FAT1: variants seen among roughly 807,000 people sequenced by gnomAD.
FAT1 encodes the protein protocadherin Fat 1.
In FAT1, 171 loss-of-function variants were observed where a neutral mutation model predicts 329.8. The observed-to-expected ratio is 0.52, with a 90% CI of 0.46 to 0.59. The LOEUF (loss-of-function observed/expected upper bound fraction) is 0.59, where lower values mean the gene tolerates loss of function less well. FAT1 is among the 20% of genes least tolerant of loss of function. The probability of loss-of-function intolerance (pLI) is 0.00; values close to 1 mark genes in which losing one functional copy is unlikely to be tolerated. For synonymous variants in FAT1, 2,233 were observed against 2,228.6 expected, an observed-to-expected ratio of 1.00 and a Z score of -0.06; for missense variants, 5,672 against 5,774.4, an observed-to-expected ratio of 0.98 and a Z score of 0.57.
intron 1 of FAT1, among the ~76,000 whole-genome samples, chr4:186,718,886 A>T (rs567211540): frequency 6.6e-6 from 1 of 151,958 alleles, no homozygotes; most frequent in African/African-American, 2.4e-5. Context: ...CCGCATCACA[A>T]GCTAATGTCA....
At chr4:186,722,434 C>G (rs540784900) in intron 1 of FAT1, among the ~76,000 whole-genome samples, 2 of 152,296 alleles carry the variant, frequency 1.3e-5, no homozygotes, top group East Asian at 3.9e-4. Context: ...AGGCTTATAC[C>G]AATTGTTGTT....
At chr4:186,711,203 T>C (rs1744933872) in intron 1 of FAT1, among the ~76,000 whole-genome samples, 1 of 152,158 alleles carries the variant, frequency 6.6e-6, no homozygotes, top group Non-Finnish European at 1.5e-5. Flanking sequence ...CTCTGCCCCA[T>C]AAGTCATTGC....
rs1739924589 is a variant in FAT1 at position 186,619,626 on chromosome 4, G to T, written c.6960C>A (p.Tyr2320Ter). The change falls in exon 10 of 27, where the codon TAC becomes TAA. Residue 2320 changes from tyrosine to a stop codon, truncating the protein, a stop_gained. Coordinates refer to ENST00000441802, the MANE Select transcript of FAT1 (RefSeq NM_005245.4). LOFTEE classifies it high-confidence loss of function. ...TCTTGCTGTGATTCCCAAACATCTG[G>T]TATGAGATTCCTCTATTTGGTTCTG... Reference protein sequence around the residue: ...SDSEPNRGISYQMFGNHSKSH... With the variant: ...SDSEPNRGIS 6.2e-7 allele frequency: 1 copy of T among 1,613,812 alleles called. No homozygotes were observed. Among genetic ancestry groups the T allele is most frequent in the Admixed American group, 1.7e-5 (1 of 59,998 alleles).
intron 2 of FAT1, among the ~76,000 whole-genome samples, chr4:186,686,272 G>A (rs1014627206): frequency 7.0e-5 from 10 of 143,558 alleles, no homozygotes; most frequent in African/African-American, 2.6e-4. Context: ...AACATGTAGC[G>A]ATTTTTTTCC....
upstream of FAT1, among the ~76,000 whole-genome samples, chr4:186,724,472 C>A (rs967043513): frequency 2.0e-5 from 3 of 152,182 alleles, no homozygotes; most frequent in Middle Eastern, 3.2e-3. This position sits in a 1 kb window ranked among gnomAD's most constrained non-coding sequence, Gnocchi z 5.3. Context: ...CGCCTGGCCT[C>A]CCCCGCTGAC....
intron 3 of FAT1, among the ~76,000 whole-genome samples, chr4:186,658,591 A>G (rs1233569882): frequency 6.6e-6 from 1 of 152,196 alleles, no homozygotes; most frequent in African/African-American, 2.4e-5. Flanking sequence ...AATAACAAAT[A>G]TTCTCTTTAA....
Position 186,619,118 on chromosome 4 carries a change from G to A in FAT1, c.7468C>T (p.Pro2490Ser), listed in dbSNP as rs1560940248. The A allele has an allele frequency of 1.2e-6, 2 of 1,613,950 alleles. No individual in the cohort carries two copies. The highest frequency in any genetic ancestry group is 1.1e-5 in the South Asian group (1 of 91,084). Residue 2490 changes from proline to serine, a missense_variant, in exon 10 of 27, where the codon CCT (proline) becomes TCT (serine). Transcript: ENST00000441802. Reference sequence around the variant, plus strand: ...TCATATTCGTTCTGAAGGAAAGCAGGACTGTGCAAATTGCCTCCAATTACA... The same window carrying A: ...TCATATTCGTTCTGAAGGAAAGCAGAACTGTGCAAATTGCCTCCAATTACA... ...VTVIGGNLHS[P>S]AFLQNEYEVE...
At chr4:186,721,942 G>A (rs932221440) in intron 1 of FAT1, among the ~76,000 whole-genome samples, 3 of 152,044 alleles carry the variant, frequency 2.0e-5, no homozygotes, top group Admixed American at 2.0e-4. Flanking sequence ...GGGTTGAAGC[G>A]ATTCTCCTGC....
intron 16 of FAT1, among the ~76,000 whole-genome samples, chr4:186,607,900 G>A (rs1044653782): frequency 1.4e-4 from 21 of 151,974 alleles, no homozygotes; most frequent in African/African-American, 3.6e-4. Flanking sequence ...CATCTCCAAC[G>A]GCAAGTACCA....
intron 1 of FAT1, among the ~76,000 whole-genome samples, chr4:186,715,110 C>T (rs1287467408): frequency 6.6e-6 from 1 of 151,682 alleles, no homozygotes; most frequent in Non-Finnish European, 1.5e-5. Context: ...GCTGATGCGC[C>T]ACGCTGCTTC....
At chr4:186,677,344 C>T (rs998907096) in intron 2 of FAT1, among the ~76,000 whole-genome samples, 2 of 152,122 alleles carry the variant, frequency 1.3e-5, no homozygotes, top group Non-Finnish European at 1.5e-5. Flanking sequence ...TTTATGCTAA[C>T]GCTTCATATT....
In FAT1 at chr4:186,723,823, C is replaced by CTCTCCCCGCGCCCTCTCCCCGCGCCA. The variant is rs1745589388; in HGVS notation, c.-179_-178insTGGCGCGGGGAGAGGGCGCGGGGAGA. ...CGCTCCCGCGCCCTCTCCCCGCGCC[C>CTCTCCCCGCGCCCTCTCCCCGCGCCA]GGCCGCCCAGCTCGGCGCCGGCGCC... On this transcript the variant is annotated 5_prime_UTR_variant, in exon 1 of 27. Coordinates refer to ENST00000441802, the MANE Select transcript of FAT1 (RefSeq NM_005245.4). 6.6e-6 allele frequency: 1 copy of CTCTCCCCGCGCCCTCTCCCCGCGCCA among 150,794 alleles called. No individual in the cohort carries two copies. Among genetic ancestry groups the CTCTCCCCGCGCCCTCTCCCCGCGCCA allele is most frequent in the African/African-American group, 2.4e-5 (1 of 41,112 alleles). The allele number at this position is 150,794 out of a possible 1,614,324, so 9.3% of individuals were successfully genotyped here. A position where few individuals can be genotyped will look rare whatever the true frequency, so the allele number is the denominator to read the frequency against.
In FAT1 at chr4:186,609,316, A is replaced by G. The variant is rs2126457161; in HGVS notation, c.10073T>C (p.Met3358Thr). ...AVLEQSVITV[M>T]ADDADGPSNS... ...GGAAGGTCCATCGGCATCATCGGCC[A>G]TAACCTAGAACACACCACACTCCTG... Residue 3358 changes from methionine to threonine, a missense_variant, in exon 16 of 27, where the codon ATG becomes ACG. Transcript: ENST00000441802. 6.2e-7 allele frequency: 1 copy of G among 1,614,016 alleles called. No homozygotes were observed. Among genetic ancestry groups the G allele is most frequent in the Admixed American group, 1.7e-5 (1 of 60,020 alleles).
Position 186,609,169 on chromosome 4 carries a change from C to A in FAT1, c.10206+14G>T. ...GTGATTTGTAAACAACGTAAATCAACCTTTTTCACTTACCGTTTCTCGGTC... is the reference window on the plus strand; with the variant it reads ...GTGATTTGTAAACAACGTAAATCAAACTTTTTCACTTACCGTTTCTCGGTC... On this transcript the variant is annotated intron_variant, in intron 16 of 26. Coordinates refer to ENST00000441802, the MANE Select transcript of FAT1 (RefSeq NM_005245.4). 1 of 1,610,396 alleles carries A rather than the reference C, an allele frequency of 6.2e-7. No homozygotes were observed. The highest frequency in any genetic ancestry group is 8.5e-7 in the Non-Finnish European group (1 of 1,178,448).
rs746209115 is a variant in FAT1, at chr4:186,709,081, C to T, written c.747G>A (p.Gln249=). The change falls in exon 2 of 27, where the codon CAG becomes CAA. Residue 249 remains glutamine, a synonymous_variant. Transcript: ENST00000441802. ...SMAKLTVHIE[Q]ANECAPVITA... Reference sequence around the variant, plus strand: ...TTATCACCGGAGCACATTCATTGGCCTGTTCGATGTGCACCGTTAGCTTGG... The same window carrying T: ...TTATCACCGGAGCACATTCATTGGCTTGTTCGATGTGCACCGTTAGCTTGG... 1.2e-6 allele frequency: 2 copies of T among 1,613,890 alleles called. No individual in the cohort carries two copies. Among genetic ancestry groups the T allele is most frequent in the African/African-American group, 1.3e-5 (1 of 75,042 alleles).
chr4:186,663,510 T>C lies in FAT1; in HGVS notation c.3369A>G (p.Ile1123Met), dbSNP rs761310678. 5.6e-6 allele frequency: 9 copies of C among 1,612,742 alleles called. No homozygotes were observed. The highest frequency in any genetic ancestry group is 4.0e-5 in the African/African-American group (3 of 74,720). Residue 1123 changes from isoleucine to methionine, a missense_variant, in exon 3 of 27, where the codon ATA becomes ATG. Transcript: ENST00000441802. ...DQGVVPLSSF[I>M]EIYIEVEDVN... Reference sequence around the variant, plus strand: ...CATCCTCAACCTCTATGTAGATCTCTATGAACGATGAAAGAGGCACGACAC... The same window carrying C: ...CATCCTCAACCTCTATGTAGATCTCCATGAACGATGAAAGAGGCACGACAC...
At chr4:186,667,566 C>T (rs567951997) in intron 2 of FAT1, among the ~76,000 whole-genome samples, 1 of 152,300 alleles carries the variant, frequency 6.6e-6, no homozygotes, top group South Asian at 2.1e-4. Flanking sequence ...TAAAAAATCA[C>T]TGAATACAAC....
At position 186,620,125 on chromosome 4, in the gene FAT1, A is replaced by G. The variant is rs1739958247; in HGVS notation, c.6461T>C (p.Val2154Ala). The G allele has an allele frequency of 6.2e-6, 10 of 1,613,960 alleles. No individual in the cohort carries two copies. The highest frequency in any genetic ancestry group is 7.6e-6 in the Non-Finnish European group (9 of 1,179,892). ...CGGGTTCCCTCCATCTTTTGCAACC[A>G]CTGTAACAAGATATTCTTTATTTAA... ...DTLNKEYLVT[V>A]VAKDGGNPAF... Residue 2154 changes from valine to alanine, a missense_variant, in exon 10 of 27, where the codon GTG (valine) becomes GCG (alanine). Physicochemically the swap from Val to Ala is moderately conservative, Grantham distance 64. Coordinates refer to ENST00000441802, the MANE Select transcript of FAT1 (RefSeq NM_005245.4).
At position 186,706,845 on chromosome 4, in the gene FAT1, G is replaced by T. The variant is rs2126683517; in HGVS notation, c.2983C>A (p.Gln995Lys). 6.2e-7 allele frequency: 1 copy of T among 1,613,924 alleles called. No individual in the cohort carries two copies. Among genetic ancestry groups the T allele is most frequent in the South Asian group, 1.1e-5 (1 of 91,062 alleles). ...GCCCTCACAGTGAGATTATACACTT[G>T]CTTCTTCTCAAAGTCCAACTGCTGG... ...IVQQLDFEKK[Q>K]VYNLTVRAKD... The change falls in exon 2 of 27, where the codon CAA becomes AAA. Residue 995 changes from glutamine to lysine, a missense_variant. Physicochemically the swap from Gln to Lys is moderately conservative, Grantham distance 53. Coordinates refer to ENST00000441802, the MANE Select transcript of FAT1 (RefSeq NM_005245.4).
Sources: allele counts gnomAD v4.1 joint callset (sites outside exome capture counted in the v4.1 genomes callset), GRCh38; gene constraint gnomAD v4.1.1; non-coding constraint Gnocchi (gnomAD v3.1); transcripts MANE v1.5; gene names NCBI Gene and HGNC (gene_info 2026-07-23, HGNC 2026-07-21).